Variants in PSD3 observed in about 807,000 individuals in gnomAD.
PSD3 encodes the protein PH and SEC7 domain-containing protein 3.
In PSD3, 49 loss-of-function variants were observed where a neutral mutation model predicts 105.5. The observed-to-expected ratio is 0.46, with a 90% CI of 0.37 to 0.59. The LOEUF (loss-of-function observed/expected upper bound fraction) is 0.59, where lower values mean the gene tolerates loss of function less well. Ranked by LOEUF, PSD3 falls within the 20% of genes least tolerant of loss-of-function variation. PSD3 has a pLI of 0.00. For synonymous variants in PSD3, 557 were observed against 457.8 expected (o/e 1.22, Z -2.77); for missense variants, 1,561 against 1,263.8 (o/e 1.24, Z -3.57).
chr8:18,562,891 TAAAGAAAAAGAA>T (rs200291771), intron 14 of PSD3, among the ~76,000 whole-genome samples: 3,633 of 128,768 alleles, frequency 0.028, 72 homozygotes, highest in East Asian at 0.099. Flanking sequence ...TCTGTCTAGA[TAAAGAAAAAGAA>T]AAAGAAAAAG....
chr8:18,688,807 G>C (rs888366183), intron 9 of PSD3, among the ~76,000 whole-genome samples: 2 of 152,186 alleles, frequency 1.3e-5, no homozygotes, highest in African/African-American at 2.4e-5. Flanking sequence ...ACCATTTATA[G>C]ACATGAGCCA....
intron 14 of PSD3, among the ~76,000 whole-genome samples, chr8:18,560,864 T>C (rs1801352692): frequency 6.6e-6 from 1 of 152,204 alleles, no homozygotes; most frequent in Non-Finnish European, 1.5e-5. Context: ...TATTAAGAGA[T>C]GGTGCCTTTT....
chr8:19,079,551 G>T (rs1009397725), intron 1 of PSD3, among the ~76,000 whole-genome samples: 15 of 152,144 alleles, frequency 9.9e-5, no homozygotes, highest in African/African-American at 3.6e-4. Flanking sequence ...AGTCAAACAG[G>T]CTTGAATAAC....
chr8:19,053,930 G>GT (rs1386177656), intron 1 of PSD3, among the ~76,000 whole-genome samples: 1 of 152,220 alleles, frequency 6.6e-6, no homozygotes, highest in African/African-American at 2.4e-5. Context: ...CAGTCTTGGA[G>GT]TTACAAGACT....
chr8:18,867,871 A>C lies in PSD3; in HGVS notation c.1437T>G (p.Thr479=), dbSNP rs772758450. ...DSYFSFEMPL[T]PMIQQRIKEG... ...CTTTAATGCGCTGTTGTATCATTGG[A>C]GTGAGGGGCATTTCAAAGCTAAAAT... The change falls in exon 4 of 16, where the codon ACT becomes ACG. Residue 479 remains threonine (T), a synonymous_variant. Transcript: ENST00000327040. 7 of 1,614,058 alleles carry C rather than the reference A, an allele frequency of 4.3e-6. No individual in the cohort carries two copies. The highest frequency in any genetic ancestry group is 5.1e-6 in the Non-Finnish European group (6 of 1,180,002).
At chr8:18,669,440 G>A (rs1799658285) in intron 9 of PSD3, among the ~76,000 whole-genome samples, 1 of 152,212 alleles carries the variant, frequency 6.6e-6, no homozygotes, top group Non-Finnish European at 1.5e-5. Flanking sequence ...ACATATGCCA[G>A]CTTCACTACT....
intron 1 of PSD3, among the ~76,000 whole-genome samples, chr8:18,996,089 A>T (rs1826066887): frequency 6.6e-6 from 1 of 151,948 alleles, no homozygotes; most frequent in African/African-American, 2.4e-5. Context: ...TCATCCACAC[A>T]AGATCCAAGG....
At chr8:18,580,521 G>A (rs1472600763) in intron 12 of PSD3, among the ~76,000 whole-genome samples, 1 of 151,994 alleles carries the variant, frequency 6.6e-6, no homozygotes, top group African/African-American at 2.4e-5. Flanking sequence ...CTGTGTTCCA[G>A]CCTGGGTGAA....
chr8:18,966,858 T>C (rs539264384), intron 1 of PSD3, among the ~76,000 whole-genome samples: 1 of 152,310 alleles, frequency 6.6e-6, no homozygotes, highest in East Asian at 1.9e-4. Flanking sequence ...AAATTAGTCT[T>C]AAAATAAATG....
chr8:18,595,170 A>T (rs1373815136), intron 12 of PSD3, among the ~76,000 whole-genome samples: 4 of 151,888 alleles, frequency 2.6e-5, no homozygotes, highest in Non-Finnish European at 5.9e-5. Context: ...TCAGCTTAAA[A>T]TAGATCATTA....
chr8:18,612,832 G>C (rs897667865), intron 11 of PSD3, among the ~76,000 whole-genome samples: 1 of 152,284 alleles, frequency 6.6e-6, no homozygotes, highest in Non-Finnish European at 1.5e-5. Context: ...AACAATAAAA[G>C]TAGACAATAG....
chr8:18,536,101 G>T (rs149164999), intron 15 of PSD3, 143 bp from the exon 16 acceptor site: 3 of 745,264 alleles, frequency 4.0e-6, no homozygotes, highest in African/African-American at 3.5e-5. Context: ...AATTACTTGG[G>T]CACTTACTGG....
chr8:18,927,458 C>A lies in PSD3; in HGVS notation c.130+8576G>T, dbSNP rs547614848. 5.3e-5 allele frequency among the ~76,000 whole-genome samples: 8 copies of A among 152,294 alleles called. No homozygotes were observed. The South Asian group carries it at 1.7e-3, about 32-fold the overall frequency. On this transcript the variant is annotated intron_variant, in intron 2 of 15. Transcript: ENST00000327040. ...CGAGCTCCTGACCTCGTGATCCACC[C>A]TCCTCAGCCTCCCAAAGTACTGGGA...
chr8:18,530,098 A>G lies in PSD3; in HGVS notation c.*5645T>C, dbSNP rs569530407. 1 of 152,754 alleles carries G rather than the reference A, an allele frequency of 6.5e-6. No individual in the cohort carries two copies. The highest frequency in any genetic ancestry group is 1.5e-5 in the Non-Finnish European group (1 of 68,038). The allele number at this position is 152,754 out of a possible 1,614,324, so 9.5% of individuals were successfully genotyped here. On this transcript the variant is annotated 3_prime_UTR_variant, in exon 16 of 16. Transcript: ENST00000327040. ...TGAATCAGCTACAAAGACACGAGGC[A>G]GTGTGTTTAAACAAAAGACACTGCA... is the stretch of plus-strand genomic sequence containing the variant.
At chr8:18,869,644 C>T (rs1817194260) in intron 3 of PSD3, among the ~76,000 whole-genome samples, 1 of 152,226 alleles carries the variant, frequency 6.6e-6, no homozygotes. Context: ...CCTACCCCTT[C>T]TCTGGCTGGC....
chr8:18,756,037 G>C (rs1464732362), intron 9 of PSD3, among the ~76,000 whole-genome samples: 1 of 152,118 alleles, frequency 6.6e-6, no homozygotes, highest in East Asian at 1.9e-4. Flanking sequence ...TTTTAAGCCA[G>C]AACCTTTAAA....
chr8:19,054,237 C>A (rs933366108), intron 1 of PSD3, among the ~76,000 whole-genome samples: 4 of 152,194 alleles, frequency 2.6e-5, no homozygotes, highest in Non-Finnish European at 5.9e-5. Context: ...AAAACATCCT[C>A]CCACAGCTCA....
chr8:18,559,132 TC>T (rs1456546731), intron 14 of PSD3, among the ~76,000 whole-genome samples: 1 of 152,210 alleles, frequency 6.6e-6, no homozygotes, highest in Non-Finnish European at 1.5e-5. Flanking sequence ...CAAGAGTTTT[TC>T]TATAGTGTGT....
intron 8 of PSD3, among the ~76,000 whole-genome samples, chr8:18,781,539 A>G (rs1808624554): frequency 6.6e-6 from 1 of 152,178 alleles, no homozygotes; most frequent in Non-Finnish European, 1.5e-5. Flanking sequence ...TCCACCGTGG[A>G]ACATGGCCTG....
Sources: gnomAD v4.1 joint callset for allele counts (sites outside exome capture counted in the v4.1 genomes callset) on GRCh38, gnomAD v4.1.1 for gene constraint, MANE v1.5 for transcripts, NCBI Gene and HGNC (gene_info 2026-07-23, HGNC 2026-07-21) for gene names.